GRM8: variants seen among roughly 807,000 people sequenced by gnomAD.
GRM8 encodes glutamate metabotropic receptor 8, also known as metabotropic glutamate receptor 8.
Under a neutral mutation model 87.2 loss-of-function variants are expected in GRM8, and 47 were observed. The ratio of observed to expected loss-of-function variants is 0.54; its 90% CI spans 0.43 to 0.69. The LOEUF (loss-of-function observed/expected upper bound fraction) is 0.69. Ranked by LOEUF, GRM8 falls within the 30% of genes least tolerant of loss-of-function variation. The pLI is 0.00. For missense variants in GRM8, 1,019 were observed against 1,139.2 expected, an observed-to-expected ratio of 0.89 and a Z score of 1.52; for synonymous variants, 396 against 404.5, an observed-to-expected ratio of 0.98 and a Z score of 0.25.
Position 126,518,347 on chromosome 7 carries a change from T to C in GRM8, c.2430+14605A>G, listed in dbSNP as rs1584915207. Among the ~76,000 whole-genome samples, 3 of 152,196 alleles carry C rather than the reference T, an allele frequency of 2.0e-5. No homozygotes were observed. The East Asian group carries it at 5.8e-4, about 29-fold the overall frequency. On this transcript the variant is annotated intron_variant, in intron 9 of 10. Transcript: ENST00000339582. ...AAACAAGAAGTAATGATGAGTAGAA[T>C]GTGCCACAGAAAAGTTAGGTAATGT...
At chr7:126,950,606 A>C (rs913080963) in intron 3 of GRM8, among the ~76,000 whole-genome samples, 2 of 152,170 alleles carry the variant, frequency 1.3e-5, no homozygotes, top group African/African-American at 4.8e-5. Flanking sequence ...TAGAGTAAAA[A>C]TTAGTACATT....
At chr7:127,229,227 C>G (rs1043729029) in intron 2 of GRM8, 3 of 152,212 alleles carry the variant, frequency 2.0e-5, no homozygotes, top group African/African-American at 7.2e-5. Flanking sequence ...ACCCACCCTG[C>G]TCCACATGCA....
intron 8 of GRM8, among the ~76,000 whole-genome samples, chr7:126,561,550 C>G (rs993501005): frequency 2.6e-5 from 4 of 152,000 alleles, no homozygotes; most frequent in African/African-American, 7.2e-5. Flanking sequence ...ATGGTCTGAT[C>G]AACAGCAGCA....
chr7:126,918,343 G>C (rs892232810), intron 3 of GRM8, among the ~76,000 whole-genome samples: 11 of 152,132 alleles, frequency 7.2e-5, no homozygotes, highest in African/African-American at 2.7e-4. Context: ...AGTCCACAGA[G>C]ATGCATATTT....
chr7:126,791,131 T>A (rs1338903261), intron 6 of GRM8, among the ~76,000 whole-genome samples: 4 of 152,110 alleles, frequency 2.6e-5, no homozygotes, highest in Admixed American at 6.5e-5. Flanking sequence ...AATAATGACT[T>A]GTACATCTCA....
chr7:127,175,259 G>A (rs577944092), intron 2 of GRM8, among the ~76,000 whole-genome samples: 10 of 152,172 alleles, frequency 6.6e-5, no homozygotes, highest in Admixed American at 4.6e-4. Context: ...TCAGTAGACT[G>A]AACATGGCTA....
At chr7:126,542,565 G>A (rs2150899490) in intron 8 of GRM8, among the ~76,000 whole-genome samples, 1 of 152,296 alleles carries the variant, frequency 6.6e-6, no homozygotes, top group East Asian at 1.9e-4. Context: ...GGCATTTCAG[G>A]TTGGATGAAT....
intron 6 of GRM8, among the ~76,000 whole-genome samples, chr7:126,801,177 C>T (rs951512355): frequency 1.3e-5 from 2 of 152,102 alleles, no homozygotes; most frequent in Non-Finnish European, 2.9e-5. Context: ...CTACTAATGT[C>T]CTATATACTG....
chr7:126,833,361 T>C (rs936806870), intron 6 of GRM8, among the ~76,000 whole-genome samples: 2 of 152,228 alleles, frequency 1.3e-5, no homozygotes, highest in Non-Finnish European at 1.5e-5. Flanking sequence ...AAGAATAAAG[T>C]TAACTCCAGC....
At chr7:127,193,516 G>A (rs901099232) in intron 2 of GRM8, among the ~76,000 whole-genome samples, 2 of 152,214 alleles carry the variant, frequency 1.3e-5, no homozygotes, top group African/African-American at 2.4e-5. Flanking sequence ...CTAAGCAAAT[G>A]TGAGGTCGGT....
rs192921567 is a variant in GRM8 at position 126,748,019 on chromosome 7, T to A, written c.1357+21846A>T. Among the ~76,000 whole-genome samples the A allele has an allele frequency of 2.7e-4, 41 of 152,148 alleles. No homozygotes were observed. In the East Asian group the frequency reaches 6.9e-3, roughly 26 times the overall value. On this transcript the variant is annotated intron_variant, in intron 7 of 10. Transcript: ENST00000339582. Reference sequence around the variant, plus strand: ...CTACAACTAGCTTATATCACTCATGTTTTCTAGATTTACCTATATTGGTAC... The same window carrying A: ...CTACAACTAGCTTATATCACTCATGATTTCTAGATTTACCTATATTGGTAC...
At chr7:127,185,781 G>A (rs770212911) in intron 2 of GRM8, among the ~76,000 whole-genome samples, 1 of 152,146 alleles carries the variant, frequency 6.6e-6, no homozygotes, top group Non-Finnish European at 1.5e-5. Context: ...CCAAGAAATA[G>A]GTGATCCCAG....
intron 9 of GRM8, among the ~76,000 whole-genome samples, chr7:126,501,048 TAATA>T (rs1034373752): frequency 1.3e-5 from 2 of 152,010 alleles, no homozygotes; most frequent in African/African-American, 2.4e-5. Context: ...TTACATACAA[TAATA>T]AATGTACTTA....
intron 6 of GRM8, among the ~76,000 whole-genome samples, chr7:126,832,171 CAAAAAAAA>C (rs11412862): frequency 6.2e-4 from 48 of 77,674 alleles, no homozygotes; most frequent in African/African-American, 2.1e-3. Flanking sequence ...TGCCATCTTC[CAAAAAAAA>C]AAAAAAGAAA....
intron 8 of GRM8, among the ~76,000 whole-genome samples, chr7:126,559,852 C>T (rs1482034473): frequency 6.7e-6 from 1 of 148,586 alleles, no homozygotes; most frequent in Non-Finnish European, 1.5e-5. Flanking sequence ...GCCTTTGAAA[C>T]TCACCCATGT....
chr7:126,963,575 A>C (rs1176152483), intron 3 of GRM8, among the ~76,000 whole-genome samples: 3 of 152,136 alleles, frequency 2.0e-5, no homozygotes, highest in African/African-American at 7.2e-5. Flanking sequence ...CACAATTGCT[A>C]CAAAGAAAAT....
chr7:127,063,023 C>G (rs1369286269), intron 3 of GRM8, among the ~76,000 whole-genome samples: 1 of 151,758 alleles, frequency 6.6e-6, no homozygotes, highest in African/African-American at 2.4e-5. Context: ...GAGGCTGAGG[C>G]AGATGGATCA....
At chr7:126,559,477 A>G (rs1417900288) in intron 8 of GRM8, among the ~76,000 whole-genome samples, 1 of 152,092 alleles carries the variant, frequency 6.6e-6, no homozygotes, top group African/African-American at 2.4e-5. Flanking sequence ...TGAGCCAGCT[A>G]CTGGTAATTT....
intron 7 of GRM8, among the ~76,000 whole-genome samples, chr7:126,700,266 G>A (rs894160887): frequency 3.3e-5 from 5 of 152,036 alleles, no homozygotes; most frequent in Admixed American, 2.6e-4. Flanking sequence ...ACTGGTATCT[G>A]AAAGAAACCA....
Sources: gnomAD v4.1 joint callset for allele counts (sites outside exome capture counted in the v4.1 genomes callset) on GRCh38, gnomAD v4.1.1 for gene constraint, MANE v1.5 for transcripts, NCBI Gene and HGNC (gene_info 2026-07-23, HGNC 2026-07-21) for gene names.